The following GPHN variants were observed in gnomAD, a reference collection of about 807,000 sequenced individuals.
GPHN encodes gephyrin.
GPHN carries 17 observed loss-of-function variants against 95.5 expected under a neutral mutation model. The ratio of observed to expected loss-of-function variants is 0.18; its 90% confidence interval spans 0.12 to 0.27. GPHN has a LOEUF of 0.27. GPHN is among the 10% of genes least tolerant of loss of function. GPHN has a pLI of 1.00. For synonymous variants in GPHN, 320 were observed against 322.5 expected (o/e 0.99, Z 0.08); for missense variants, 660 against 978.1 (o/e 0.67, Z 4.34).
chr14:67,213,868 G>A, the GPHN span, among the ~76,000 whole-genome samples: 1 of 152,218 alleles, frequency 6.6e-6, no homozygotes, highest in Non-Finnish European at 1.5e-5. Context: ...TAACTGGTGT[G>A]AGATGGTATC....
intron 8 of GPHN, among the ~76,000 whole-genome samples, chr14:66,955,922 A>C (rs562824046): frequency 6.6e-6 from 1 of 152,288 alleles, no homozygotes; most frequent in East Asian, 1.9e-4. Flanking sequence ...TCCATGGTGT[A>C]TATGTGCCAC....
chr14:67,333,615 C>A, the GPHN span: 1 of 152,542 alleles, frequency 6.6e-6, no homozygotes, highest in Non-Finnish European at 1.5e-5. Context: ...GTGGATCAGA[C>A]TCTACACTCA....
chr14:66,835,291 CT>C (rs1195126582), intron 4 of GPHN, among the ~76,000 whole-genome samples: 3 of 150,052 alleles, frequency 2.0e-5, no homozygotes, highest in African/African-American at 7.4e-5. Flanking sequence ...TTCTTGCCTT[CT>C]GCTAGCTTTT....
intron 4 of GPHN, among the ~76,000 whole-genome samples, chr14:66,875,900 G>A (rs896232390): frequency 6.6e-6 from 1 of 152,084 alleles, no homozygotes; most frequent in Non-Finnish European, 1.5e-5. Context: ...GGACCAAGCA[G>A]ACCTAATAGA....
the GPHN span, among the ~76,000 whole-genome samples, chr14:67,572,768 C>T: frequency 4.6e-5 from 7 of 152,144 alleles, no homozygotes; most frequent in South Asian, 4.1e-4. Flanking sequence ...GATGTAATTC[C>T]GCATCCCTCG....
the GPHN span, among the ~76,000 whole-genome samples, chr14:67,437,386 C>A: frequency 6.6e-6 from 1 of 152,172 alleles, no homozygotes; most frequent in African/African-American, 2.4e-5. Flanking sequence ...ATAAGATGGT[C>A]AGGGAAGGCT....
chr14:66,947,592 A>G (rs921385577), intron 8 of GPHN, among the ~76,000 whole-genome samples: 1 of 152,206 alleles, frequency 6.6e-6, no homozygotes, highest in African/African-American at 2.4e-5. Context: ...GATGGAATCA[A>G]TGTCTATTAA....
At chr14:66,949,175 CCT>C (rs1567138682) in intron 8 of GPHN, among the ~76,000 whole-genome samples, 1 of 152,138 alleles carries the variant, frequency 6.6e-6, no homozygotes. Context: ...ACTTTCACCT[CCT>C]GGGTTCAAGC....
chr14:67,001,610 T>A (rs963668297), intron 9 of GPHN, among the ~76,000 whole-genome samples: 1 of 151,742 alleles, frequency 6.6e-6, no homozygotes, highest in Non-Finnish European at 1.5e-5. Context: ...ACATTAAATT[T>A]TGTCATTTTT....
chr14:66,533,023 G>C (rs1318810193), intron 1 of GPHN, among the ~76,000 whole-genome samples: 1 of 152,140 alleles, frequency 6.6e-6, no homozygotes, highest in Non-Finnish European at 1.5e-5. Flanking sequence ...AACATCAAAG[G>C]GATGCTGAGT....
In GPHN at chr14:66,548,038, T is replaced by C. The variant is rs112213816; in HGVS notation, c.64+39447T>C. The stretch of plus-strand genomic sequence containing the variant: ...ACCTTTTATCCAGCAGACTTGTTGG[T>C]ATCATTTTTTTTTTAACAACGTGTA... On this transcript the variant is annotated intron_variant, in intron 1 of 22. Transcript: ENST00000478722. 3.6e-3 allele frequency among the ~76,000 whole-genome samples: 551 copies of C among 152,212 alleles called. 11 individuals carry two copies. The highest frequency in any genetic ancestry group is 0.013 in the African/African-American group (525 of 41,542).
the GPHN span, among the ~76,000 whole-genome samples, chr14:67,516,645 C>A: frequency 6.6e-6 from 1 of 152,170 alleles, no homozygotes; most frequent in Non-Finnish European, 1.5e-5. Flanking sequence ...TCTGATGGGG[C>A]CGTAGGTCTT....
At chr14:66,773,040 C>T (rs1333294659) in intron 2 of GPHN, among the ~76,000 whole-genome samples, 1 of 152,158 alleles carries the variant, frequency 6.6e-6, no homozygotes, top group Non-Finnish European at 1.5e-5. Flanking sequence ...CCATTTCCTT[C>T]CTCTACCATT....
the GPHN span, among the ~76,000 whole-genome samples, chr14:67,299,076 AT>A: frequency 6.6e-6 from 1 of 152,148 alleles, no homozygotes; most frequent in Non-Finnish European, 1.5e-5. Context: ...ATTGATGGAT[AT>A]TTGGGTTGTT....
chr14:67,062,385 C>A (rs1214290336), intron 11 of GPHN, among the ~76,000 whole-genome samples: 1 of 152,236 alleles, frequency 6.6e-6, no homozygotes, highest in Non-Finnish European at 1.5e-5. Flanking sequence ...AACACTCTAA[C>A]ACCTGCAATC....
the GPHN span, among the ~76,000 whole-genome samples, chr14:67,389,658 A>G: frequency 2.6e-5 from 4 of 152,062 alleles, no homozygotes; most frequent in East Asian, 1.9e-4. Context: ...GTGTGTGTAT[A>G]TATTTTCTCA....
chr14:67,357,382 C>G, the GPHN span, among the ~76,000 whole-genome samples: 1 of 152,182 alleles, frequency 6.6e-6, no homozygotes, highest in Non-Finnish European at 1.5e-5. Context: ...AGACATCTGA[C>G]TACATGACAA....
chr14:67,572,216 A>C, the GPHN span: 1 of 1,609,522 alleles, frequency 6.2e-7, no homozygotes, highest in Non-Finnish European at 8.5e-7. Context: ...GACTACTCAG[A>C]GCCTGAGCAC....
At chr14:66,572,482 CTGTGTGTGTG>C (rs60787589) in intron 1 of GPHN, among the ~76,000 whole-genome samples, 2 of 148,456 alleles carry the variant, frequency 1.3e-5, no homozygotes, top group Admixed American at 6.7e-5. Context: ...ATTTATTCCT[CTGTGTGTGTG>C]TGTGTGTGTG....
Sources: gnomAD v4.1 joint callset for allele counts (sites outside exome capture counted in the v4.1 genomes callset) on GRCh38, gnomAD v4.1.1 for gene constraint, MANE v1.5 for transcripts, NCBI Gene and HGNC (gene_info 2026-07-23, HGNC 2026-07-21) for gene names.